ATP2C1: variants seen among roughly 807,000 people sequenced by gnomAD.
The protein encoded by ATP2C1 is calcium-transporting ATPase type 2C member 1.
Under a neutral mutation model 120.5 loss-of-function variants are expected in ATP2C1, and 31 were observed. The observed-to-expected ratio is 0.26, with a 90% confidence interval of 0.19 to 0.35. The LOEUF (loss-of-function observed/expected upper bound fraction) is 0.35. Ranked by LOEUF, ATP2C1 falls within the 10% of genes least tolerant of loss-of-function variation. The pLI is 1.00. For missense variants in ATP2C1, 731 were observed against 1,107.5 expected, an observed-to-expected ratio of 0.66 and a Z score of 4.83; for synonymous variants, 351 against 358.7, an observed-to-expected ratio of 0.98 and a Z score of 0.24.
At chr3:130,996,620 TATC>T in intron 23 of ATP2C1, 57 bp from the exon 24 acceptor site, 3 of 1,091,442 alleles carry the variant, frequency 2.7e-6, no homozygotes, top group Non-Finnish European at 2.8e-6. Context: ...AAAAAAGTGG[TATC>T]ATAGAATCAA....
chr3:130,894,203 T>C lies in ATP2C1; in HGVS notation c.-315T>C. 6.2e-6 allele frequency: 6 copies of C among 974,880 alleles called. No homozygotes were observed. The highest frequency in any genetic ancestry group is 7.3e-6 in the Non-Finnish European group (6 of 825,230). 60.4% of individuals were successfully genotyped at this position (974,880 alleles called of 1,614,324 possible). A position where few individuals can be genotyped will look rare whatever the true frequency, so the allele number is the denominator to read the frequency against. On this transcript the variant is annotated 5_prime_UTR_variant, in exon 1 of 28. Coordinates refer to ENST00000510168, the MANE Select transcript of ATP2C1 (RefSeq NM_001378687.1). The surrounding 1 kb of genome is among the most constrained non-coding windows in gnomAD (Gnocchi z 4.5). Reference sequence around the variant, plus strand: ...CTTCCTCCCTCCCGCTCGCTTCTTCTCACGCCGGGAGCAGGCTCCCGCCTC... The same window carrying C: ...CTTCCTCCCTCCCGCTCGCTTCTTCCCACGCCGGGAGCAGGCTCCCGCCTC...
upstream of ATP2C1, among the ~76,000 whole-genome samples, chr3:130,889,638 C>CTTTTT (rs1170424148): frequency 8.8e-4 from 68 of 77,640 alleles, no homozygotes; most frequent in Middle Eastern, 0.013. Context: ...ATTCTTTAAA[C>CTTTTT]TTTTTTTTTT....
chr3:130,852,801 T>C (rs2067716351), intron 1 of ATP2C1, among the ~76,000 whole-genome samples: 2 of 152,234 alleles, frequency 1.3e-5, no homozygotes, highest in Non-Finnish European at 2.9e-5. Flanking sequence ...CTTGTATAAC[T>C]AATCCTTGAT....
chr3:130,872,560 C>A (rs536550141), intron 1 of ATP2C1, among the ~76,000 whole-genome samples: 1 of 151,954 alleles, frequency 6.6e-6, no homozygotes, highest in South Asian at 2.1e-4. Flanking sequence ...TGAGACTACA[C>A]TCCCATTTGA....
chr3:130,983,430 A>T (rs1198040991), intron 20 of ATP2C1, among the ~76,000 whole-genome samples: 1 of 152,202 alleles, frequency 6.6e-6, no homozygotes, highest in African/African-American at 2.4e-5. Flanking sequence ...ATATTAATAG[A>T]CTGCATTACT....
Position 130,996,097 on chromosome 3 carries a change from A to G in ATP2C1, c.2112A>G (p.Arg704=), listed in dbSNP as rs1407864286. 3.1e-6 allele frequency: 5 copies of G among 1,611,606 alleles called. No homozygotes were observed. In the East Asian group the frequency reaches 1.1e-4, roughly 36 times the overall value. ...ATAATAACATTAAAAATTTCGTTAG[A>G]TTCCAGCTGAGCACGTAAGTTTGCA... ...GIYNNIKNFV[R]FQLSTSIAAL... The change falls in exon 23 of 28, where the codon AGA becomes AGG. Residue 704 remains arginine (R), a synonymous_variant. Transcript: ENST00000510168.
chr3:130,861,730 C>T (rs895332919), intron 1 of ATP2C1, among the ~76,000 whole-genome samples: 16 of 152,048 alleles, frequency 1.1e-4, no homozygotes, highest in Non-Finnish European at 2.2e-4. Flanking sequence ...ATTAACATCA[C>T]AAAATTGTCA....
At chr3:130,874,820 G>C (rs749591921) in intron 1 of ATP2C1, among the ~76,000 whole-genome samples, 3 of 152,182 alleles carry the variant, frequency 2.0e-5, no homozygotes, top group Non-Finnish European at 2.9e-5. Context: ...TGCTAAATCA[G>C]ACTGCTGCAT....
chr3:130,972,201 A>T (rs554403468), intron 17 of ATP2C1, among the ~76,000 whole-genome samples: 1 of 152,278 alleles, frequency 6.6e-6, no homozygotes, highest in East Asian at 1.9e-4. Context: ...GGCTGACCTG[A>T]CAGGAGATTG....
intron 1 of ATP2C1, among the ~76,000 whole-genome samples, chr3:130,863,461 G>A (rs1375467169): frequency 6.6e-6 from 1 of 152,132 alleles, no homozygotes; most frequent in Non-Finnish European, 1.5e-5. Flanking sequence ...GAGAAAGACT[G>A]TGTTATTGCT....
In ATP2C1 at chr3:131,001,891, T is replaced by A. The variant is rs992165157; in HGVS notation, c.*541T>A. The stretch of plus-strand genomic sequence containing the variant: ...CATGTGCTATCATTTTTGTATCAAG[T>A]TTTTTGCACAGGATGTGACCACTGT... On this transcript the variant is annotated 3_prime_UTR_variant, in exon 28 of 28. Transcript: ENST00000510168. 1.5e-4 allele frequency: 146 copies of A among 985,450 alleles called. 1 individual carries two copies. Among genetic ancestry groups the A allele is most frequent in the Non-Finnish European group, 1.7e-4 (138 of 829,652 alleles). The allele number at this position is 985,450 out of a possible 1,614,324, so 61.0% of individuals were successfully genotyped here.
At chr3:130,995,016 A>G (rs935039651) in intron 22 of ATP2C1, among the ~76,000 whole-genome samples, 4 of 152,182 alleles carry the variant, frequency 2.6e-5, no homozygotes, top group African/African-American at 9.7e-5. Context: ...TAAATTCTAT[A>G]ATTCCTATAT....
chr3:131,014,206 T>G (rs1424369237), intron 26 of ATP2C1: 4 of 1,613,972 alleles, frequency 2.5e-6, no homozygotes, highest in Non-Finnish European at 3.4e-6. Flanking sequence ...TTCTGCCTTT[T>G]TTTTTTTGAA....
chr3:130,974,822 A>T (rs1483556291), intron 17 of ATP2C1, among the ~76,000 whole-genome samples: 2 of 152,206 alleles, frequency 1.3e-5, no homozygotes, highest in African/African-American at 2.4e-5. Context: ...TCCATGGAGT[A>T]GGACTAGTGG....
intron 2 of ATP2C1, among the ~76,000 whole-genome samples, chr3:130,906,362 G>A (rs2058120054): frequency 1.3e-5 from 2 of 151,960 alleles, no homozygotes; most frequent in South Asian, 4.1e-4. Flanking sequence ...CTTCTAGCAC[G>A]TGTTAGTACT....
intron 1 of ATP2C1, among the ~76,000 whole-genome samples, chr3:130,852,218 G>A (rs1396341610): frequency 6.6e-6 from 1 of 152,188 alleles, no homozygotes; most frequent in East Asian, 1.9e-4. Flanking sequence ...TGGTAGGGCT[G>A]TATAAGTTTT....
At chr3:130,862,364 A>T (rs900163181) in intron 1 of ATP2C1, among the ~76,000 whole-genome samples, 3 of 139,350 alleles carry the variant, frequency 2.2e-5, no homozygotes, top group African/African-American at 7.6e-5. Context: ...ATTTTTAGTA[A>T]GAGACAGGGT....
chr3:130,953,099 ATG>A (rs1425468821), intron 8 of ATP2C1, among the ~76,000 whole-genome samples: 1 of 151,532 alleles, frequency 6.6e-6, no homozygotes, highest in Non-Finnish European at 1.5e-5. Context: ...GTATGTATGT[ATG>A]TATGTATGTA....
Position 130,967,188 on chromosome 3 carries a change from A to G in ATP2C1, c.1166A>G (p.Asp389Gly). Residue 389 changes from aspartate (D) to glycine (G), a missense_variant, in exon 15 of 28, where the codon GAT becomes GGT. Asp to Gly is a moderately conservative substitution (Grantham distance 94). Transcript: ENST00000510168. Reference protein sequence around the residue: ...GYNQFGEVIVDGDVVHGFYNP... With the variant: ...GYNQFGEVIVGGDVVHGFYNP... ...AATCAATTTGGGGAAGTGATTGTTG[A>G]TGGTGATGTTGTTCATGGATTCTAT... The G allele has an allele frequency of 1.2e-6, 2 of 1,613,826 alleles. No homozygotes were observed. The highest frequency in any genetic ancestry group is 1.7e-6 in the Non-Finnish European group (2 of 1,179,828).
Sources: gnomAD v4.1 joint callset for allele counts (sites outside exome capture counted in the v4.1 genomes callset) on GRCh38, gnomAD v4.1.1 for gene constraint, Gnocchi (gnomAD v3.1) non-coding constraint, MANE v1.5 for transcripts, NCBI Gene and HGNC (gene_info 2026-07-23, HGNC 2026-07-21) for gene names.